The following ANO5 variants were observed in gnomAD, a reference collection of about 807,000 sequenced individuals.
The protein encoded by ANO5 is anoctamin 5.
Under a neutral mutation model 121.0 loss-of-function variants are expected in ANO5, and 109 were observed. That is an observed-to-expected ratio of 0.90 (90% CI 0.77 to 1.06). The LOEUF is 1.06. Among genes scored for constraint, ANO5 ranks in the 50% least tolerant of loss-of-function variants. The probability of loss-of-function intolerance (pLI) is 0.00; values close to 1 mark genes in which losing one functional copy is unlikely to be tolerated. For missense variants in ANO5, 1,064 were observed against 1,078.5 expected (o/e 0.99, Z 0.19); for synonymous variants, 406 against 359.9 (o/e 1.13, Z -1.45).
chr11:22,227,698 G>A, intron 7 of ANO5, 112 bp downstream of exon 7: 1 of 1,339,118 alleles, frequency 7.5e-7, no homozygotes, highest in South Asian at 1.2e-5. Flanking sequence ...TTCTGTATAG[G>A]ATATAAGCAT....
rs77455767 is a variant in ANO5 at position 22,212,691 on chromosome 11, G to A, written c.138+1377G>A. Among the ~76,000 whole-genome samples the A allele has an allele frequency of 7.3e-3, 1,108 of 151,844 alleles. 17 individuals carry two copies. The highest frequency in any genetic ancestry group is 0.025 in the African/African-American group (1,050 of 41,486). Reference sequence around the variant, plus strand: ...GTATTTCACTTGGCACAGTATCTTAGTATCATTTAAAATTGCATTTCTCAC... The same window carrying A: ...GTATTTCACTTGGCACAGTATCTTAATATCATTTAAAATTGCATTTCTCAC... On this transcript the variant is annotated intron_variant, in intron 3 of 21. Transcript: ENST00000324559.
chr11:22,221,148 AG>A lies in ANO5; in HGVS notation c.234del (p.Arg78SerfsTer13). 1 of 1,612,076 alleles carries A rather than the reference AG, an allele frequency of 6.2e-7. No homozygotes were observed. The highest frequency in any genetic ancestry group is 1.7e-4 in the Middle Eastern group (1 of 6,040). On this transcript the variant is annotated frameshift_variant, in exon 5 of 22. Transcript: ENST00000324559. LOFTEE classifies it high-confidence loss of function. ...TTCTATCTTCTTCCGAGATGGGATT[AG>A]GCAAATTGATTTTGTGCTTTCCTAC... ...KDSIFFRDGIRQIDFVLSYVD... is the reference protein window; with the variant it reads ...KDSIFFRDGIXQIDFVLSYVD...
intron 7 of ANO5, among the ~76,000 whole-genome samples, chr11:22,230,773 A>G (rs1853014327): frequency 6.6e-6 from 1 of 151,966 alleles, no homozygotes; most frequent in South Asian, 2.1e-4. Flanking sequence ...TTCAGGCATC[A>G]GCAAGAAGCC....
chr11:22,219,748 G>T (rs1274876516), intron 4 of ANO5, among the ~76,000 whole-genome samples: 1 of 151,914 alleles, frequency 6.6e-6, no homozygotes, highest in Non-Finnish European at 1.5e-5. Flanking sequence ...AGTATAGTGT[G>T]ATAGCAGTTT....
chr11:22,260,317 G>A (rs796422438), intron 15 of ANO5, among the ~76,000 whole-genome samples: 13 of 152,272 alleles, frequency 8.5e-5, no homozygotes, highest in African/African-American at 2.6e-4. Context: ...GAGCACAGTC[G>A]CTTCTGCTCT....
At chr11:22,233,686 G>A (rs1446504141) in intron 7 of ANO5, among the ~76,000 whole-genome samples, 2 of 152,074 alleles carry the variant, frequency 1.3e-5, no homozygotes, top group African/African-American at 4.8e-5. Context: ...AATTGCCCTT[G>A]TTTTATGAGA....
chr11:22,198,842 A>G (rs767868571), intron 1 of ANO5, among the ~76,000 whole-genome samples: 5 of 152,268 alleles, frequency 3.3e-5, no homozygotes, highest in Non-Finnish European at 4.4e-5. Context: ...TTCTTTATCT[A>G]TTCACTGTAA....
chr11:22,250,792 C>T lies in ANO5; in HGVS notation c.1065C>T (p.Leu355=), dbSNP rs1469195279. 7.2e-5 allele frequency: 116 copies of T among 1,613,878 alleles called. No homozygotes were observed. The Admixed American group carries it at 1.9e-3, about 27-fold the overall frequency. The change falls in exon 11 of 22, where the codon CTC becomes CTT. Residue 355 remains leucine, a synonymous_variant. Transcript: ENST00000324559. ...GTGGTCAGATGATCATGTGCCCACT[C>T]TGTGATCAAGTGTGTGATTATTGGA... is the stretch of plus-strand genomic sequence containing the variant. ...EIGGQMIMCP[L]CDQVCDYWRL...
At chr11:22,269,720 C>T (rs1305505979) in intron 17 of ANO5, among the ~76,000 whole-genome samples, 1 of 151,936 alleles carries the variant, frequency 6.6e-6, no homozygotes, top group Non-Finnish European at 1.5e-5. Flanking sequence ...CATTTTTCTG[C>T]ATCAATTGAG....
intron 5 of ANO5, among the ~76,000 whole-genome samples, chr11:22,223,379 C>T (rs984498196): frequency 6.6e-6 from 1 of 152,022 alleles, no homozygotes; most frequent in Admixed American, 6.6e-5. Context: ...TTTCCAGCAA[C>T]AATGTATGAA....
chr11:22,206,698 T>TG (rs1422159525), intron 2 of ANO5, among the ~76,000 whole-genome samples: 5 of 152,070 alleles, frequency 3.3e-5, no homozygotes, highest in African/African-American at 1.2e-4. Context: ...GAAAAAATAT[T>TG]GTCAAAATTT....
chr11:22,271,206 C>T (rs1315441731), intron 18 of ANO5, among the ~76,000 whole-genome samples: 2 of 152,128 alleles, frequency 1.3e-5, no homozygotes, highest in Admixed American at 1.3e-4. Flanking sequence ...CAGGTGCGTG[C>T]CATCACGCCC....
chr11:22,236,335 C>T, intron 8 of ANO5, 59 bp downstream of exon 8: 1 of 1,341,804 alleles, frequency 7.5e-7, no homozygotes, highest in Non-Finnish European at 1.1e-6. Context: ...ATGTTCATTA[C>T]TGGGAGAGAG....
upstream of ANO5, among the ~76,000 whole-genome samples, chr11:22,192,811 G>GC (rs1261653597): frequency 7.9e-5 from 12 of 152,334 alleles, no homozygotes; most frequent in South Asian, 4.1e-4. Flanking sequence ...ACAGAATGGA[G>GC]CAGGCCGGCC....
Position 22,257,671 on chromosome 11 carries a change from A to G in ANO5, c.1333-9A>G, listed in dbSNP as rs538243103. 14 of 1,602,968 alleles carry G rather than the reference A, an allele frequency of 8.7e-6. No individual in the cohort carries two copies. Among genetic ancestry groups the G allele is most frequent in the African/African-American group, 6.7e-5 (5 of 74,734 alleles). On this transcript the variant is annotated splice_polypyrimidine_tract_variant and intron_variant, in intron 13 of 21. Coordinates refer to ENST00000324559, the MANE Select transcript of ANO5 (RefSeq NM_213599.3). ...TTTGAATTTCTTTGTGATTTCTTCAATATTACAGGAGATGGAACCTTACAT... is the reference window on the plus strand; with the variant it reads ...TTTGAATTTCTTTGTGATTTCTTCAGTATTACAGGAGATGGAACCTTACAT...
chr11:22,279,759 ACT>A lies in ANO5; in HGVS notation c.2739_2740del (p.Ter914IlefsTer82), dbSNP rs746934922. The A allele has an allele frequency of 1.9e-6, 3 of 1,610,912 alleles. No homozygotes were observed. Among genetic ancestry groups the A allele is most frequent in the African/African-American group, 1.3e-5 (1 of 74,806 alleles). On this transcript the variant is annotated frameshift_variant, in exon 22 of 22. Coordinates refer to ENST00000324559, the MANE Select transcript of ANO5 (RefSeq NM_213599.3). LOFTEE classifies it high-confidence loss of function. ...ENKAQLAKSTL is the reference protein window; with the variant it reads ...ENKAQLAKSTX ...ACAAAGCACAGCTGGCTAAATCAAC[ACT>A]CTAATCAGTATAGTGAGGAAGCAGC...
At chr11:22,220,488 A>AT (rs1286093406) in intron 4 of ANO5, among the ~76,000 whole-genome samples, 12 of 74,260 alleles carry the variant, frequency 1.6e-4, no homozygotes, top group African/African-American at 4.0e-4. Flanking sequence ...TGCAAATTTA[A>AT]AAAAGGATTG....
At chr11:22,273,129 T>A in intron 19 of ANO5, 140 bp downstream of exon 19, 1 of 885,532 alleles carries the variant, frequency 1.1e-6, no homozygotes, top group Non-Finnish European at 1.8e-6. Context: ...TGTTATGCGC[T>A]AACCAATATA....
intron 4 of ANO5, among the ~76,000 whole-genome samples, chr11:22,218,907 G>A (rs189268143): frequency 4.6e-5 from 7 of 152,124 alleles, no homozygotes; most frequent in Admixed American, 4.6e-4. Context: ...ATCCTTTACA[G>A]AGAAGCCACT....
Sources: allele counts gnomAD v4.1 joint callset (sites outside exome capture counted in the v4.1 genomes callset), GRCh38; gene constraint gnomAD v4.1.1; transcripts MANE v1.5; gene names NCBI Gene and HGNC (gene_info 2026-07-23, HGNC 2026-07-21).